Variants in SIPA1L1 observed in about 807,000 individuals in gnomAD.
The protein encoded by SIPA1L1 is signal induced proliferation associated 1 like 1, also known as signal-induced proliferation-associated 1-like protein 1.
SIPA1L1 carries 26 observed loss-of-function variants against 162.7 expected under a neutral mutation model. The ratio of observed to expected loss-of-function variants is 0.16; its 90% CI spans 0.12 to 0.22. SIPA1L1 has a LOEUF of 0.22. SIPA1L1 is among the 10% of genes least tolerant of loss of function. The pLI is 1.00. For synonymous variants in SIPA1L1, 829 were observed against 837.4 expected (o/e 0.99, Z 0.17); for missense variants, 1,874 against 2,241.0 (o/e 0.84, Z 3.31).
chr14:71,727,235 C>T (rs955398867), intron 19 of SIPA1L1, among the ~76,000 whole-genome samples: 2 of 152,000 alleles, frequency 1.3e-5, no homozygotes, highest in Admixed American at 6.5e-5. Context: ...GAGGTGGCTT[C>T]GTGTGGCTCC....
chr14:71,657,345 C>CA (rs561713864), intron 8 of SIPA1L1, among the ~76,000 whole-genome samples: 36,914 of 87,736 alleles, frequency 0.42, 6,309 homozygotes, highest in South Asian at 0.51. Flanking sequence ...GAGACTGTCT[C>CA]AAAAAAAAAA....
At chr14:71,579,665 G>GT (rs2033641117) in intron 4 of SIPA1L1, among the ~76,000 whole-genome samples, 1 of 152,158 alleles carries the variant, frequency 6.6e-6, no homozygotes, top group Non-Finnish European at 1.5e-5. Flanking sequence ...TTCTTGGGTG[G>GT]TATTTCAAAA....
intron 2 of SIPA1L1, among the ~76,000 whole-genome samples, chr14:71,376,004 C>G (rs1245683303): frequency 1.3e-5 from 2 of 152,020 alleles, no homozygotes; most frequent in African/African-American, 4.8e-5. Context: ...AATTAATGGT[C>G]TGTGATTCTT....
chr14:71,703,417 A>G (rs892603295), intron 15 of SIPA1L1, among the ~76,000 whole-genome samples: 3 of 152,224 alleles, frequency 2.0e-5, no homozygotes, highest in African/African-American at 7.2e-5. Flanking sequence ...TGGACATAGA[A>G]AGGAGTGGAG....
At chr14:71,407,271 T>A (rs1192795997) in intron 2 of SIPA1L1, among the ~76,000 whole-genome samples, 1 of 152,236 alleles carries the variant, frequency 6.6e-6, no homozygotes, top group Non-Finnish European at 1.5e-5. Context: ...GAGATTTATT[T>A]TTGATTTTGC....
chr14:71,494,197 T>C (rs1415635547), intron 2 of SIPA1L1, among the ~76,000 whole-genome samples: 2 of 152,238 alleles, frequency 1.3e-5, no homozygotes, highest in African/African-American at 4.8e-5. Context: ...CGTCCTTGTT[T>C]TGTTCCTGAT....
chr14:71,654,786 C>T (rs1422736302), intron 8 of SIPA1L1, among the ~76,000 whole-genome samples: 2 of 152,090 alleles, frequency 1.3e-5, no homozygotes, highest in African/African-American at 2.4e-5. Flanking sequence ...TCTACAAGCA[C>T]ATTGTCCCTT....
At chr14:71,583,796 G>A (rs965968766) in intron 4 of SIPA1L1, among the ~76,000 whole-genome samples, 3 of 152,068 alleles carry the variant, frequency 2.0e-5, no homozygotes, top group Non-Finnish European at 2.9e-5. Flanking sequence ...GAAGTTTAGT[G>A]GAGAAGATCA....
intron 17 of SIPA1L1, among the ~76,000 whole-genome samples, chr14:71,719,639 G>A (rs2083540038): frequency 6.6e-6 from 1 of 152,106 alleles, no homozygotes; most frequent in Non-Finnish European, 1.5e-5. Flanking sequence ...GACTACAGGT[G>A]TGCACCACCA....
intron 3 of SIPA1L1, among the ~76,000 whole-genome samples, chr14:71,528,284 T>G (rs1258185199): frequency 6.6e-6 from 1 of 152,220 alleles, no homozygotes; most frequent in Non-Finnish European, 1.5e-5. Context: ...TTATCTAGCT[T>G]TAAATTGCAT....
intron 5 of SIPA1L1, among the ~76,000 whole-genome samples, chr14:71,604,704 C>A (rs2037275946): frequency 6.6e-6 from 1 of 151,822 alleles, no homozygotes; most frequent in Non-Finnish European, 1.5e-5. Context: ...TTTTCCCCAG[C>A]ACTTCTAATA....
chr14:71,468,044 GTGTCTGTC>G (rs1174289562), intron 2 of SIPA1L1, among the ~76,000 whole-genome samples: 3 of 145,470 alleles, frequency 2.1e-5, no homozygotes, highest in Non-Finnish European at 3.0e-5. Context: ...GTGTGTGTGT[GTGTCTGTC>G]TGTGTCTGTC....
At chr14:71,591,994 A>G (rs1363596793) in intron 5 of SIPA1L1, among the ~76,000 whole-genome samples, 1 of 152,206 alleles carries the variant, frequency 6.6e-6, no homozygotes, top group African/African-American at 2.4e-5. Flanking sequence ...TCATAATTAA[A>G]ATAGCAAGTC....
At chr14:71,376,851 G>T (rs1319436224) in intron 2 of SIPA1L1, among the ~76,000 whole-genome samples, 4 of 151,988 alleles carry the variant, frequency 2.6e-5, no homozygotes, top group African/African-American at 9.7e-5. Flanking sequence ...CGGGGTTGGG[G>T]GTAAGATTAT....
intron 10 of SIPA1L1, among the ~76,000 whole-genome samples, chr14:71,667,477 A>G (rs567163419): frequency 1.3e-5 from 2 of 152,324 alleles, no homozygotes; most frequent in East Asian, 3.9e-4. Context: ...TGCCTAGCAC[A>G]TAGTAGGTAC....
chr14:71,620,011 T>C (rs578096504), intron 6 of SIPA1L1, among the ~76,000 whole-genome samples: 1 of 152,358 alleles, frequency 6.6e-6, no homozygotes, highest in South Asian at 2.1e-4. Flanking sequence ...GTTCTGTGTT[T>C]TGGACTTGTA....
intron 5 of SIPA1L1, among the ~76,000 whole-genome samples, chr14:71,593,560 A>G (rs1380745312): frequency 6.6e-6 from 1 of 152,136 alleles, no homozygotes; most frequent in Non-Finnish European, 1.5e-5. Context: ...AAGGAAATTT[A>G]TAAGTGGAAA....
At chr14:71,609,216 T>C (rs1267217844) in intron 5 of SIPA1L1, among the ~76,000 whole-genome samples, 4 of 152,066 alleles carry the variant, frequency 2.6e-5, no homozygotes, top group Admixed American at 2.6e-4. Flanking sequence ...TGTTGCCCCA[T>C]TGATCCCAAT....
At chr14:71,352,256 A>G (rs2036793917) in intron 2 of SIPA1L1, among the ~76,000 whole-genome samples, 2 of 152,124 alleles carry the variant, frequency 1.3e-5, no homozygotes, top group Admixed American at 1.3e-4. Flanking sequence ...ATCATGGCTC[A>G]CTGCAGCCTC....
Sources: allele counts gnomAD v4.1 joint callset (sites outside exome capture counted in the v4.1 genomes callset), GRCh38; gene constraint gnomAD v4.1.1; transcripts MANE v1.5; gene names NCBI Gene and HGNC (gene_info 2026-07-23, HGNC 2026-07-21).